The following CCDC85C variants were observed in gnomAD, a reference collection of about 807,000 sequenced individuals.
CCDC85C encodes coiled-coil domain-containing protein 85C.
Under a neutral mutation model 38.3 loss-of-function variants are expected in CCDC85C, and 18 were observed. The ratio of observed to expected loss-of-function variants is 0.47; its 90% CI spans 0.33 to 0.70. The LOEUF is 0.70. CCDC85C is among the 30% of genes least tolerant of loss of function. The pLI is 0.03. For synonymous variants in CCDC85C, 264 were observed against 293.8 expected (o/e 0.90, Z 1.04); for missense variants, 566 against 621.2 (o/e 0.91, Z 0.94).
chr14:99,511,851 C>G lies in CCDC85C; in HGVS notation c.*3395G>C, dbSNP rs1225172629. The G allele has an allele frequency of 6.6e-6, 1 of 152,518 alleles. No individual in the cohort carries two copies. The highest frequency in any genetic ancestry group is 1.9e-4 in the East Asian group (1 of 5,192). 9.4% of individuals were successfully genotyped at this position (152,518 alleles called of 1,614,324 possible). A position where few individuals can be genotyped will look rare whatever the true frequency, so the allele number is the denominator to read the frequency against. ...ATTTGAAACCCTTTCCACTTCTGGC[C>G]TGTGATGAGACAGAGGCAGCTGGAG... is the stretch of plus-strand genomic sequence containing the variant. On this transcript the variant is annotated 3_prime_UTR_variant, in exon 6 of 6. Coordinates refer to ENST00000380243, the MANE Select transcript of CCDC85C (RefSeq NM_001144995.2).
chr14:99,529,618 G>A (rs1051966661), intron 2 of CCDC85C, among the ~76,000 whole-genome samples: 1 of 152,210 alleles, frequency 6.6e-6, no homozygotes, highest in African/African-American at 2.4e-5. Context: ...TGGCCAGGCT[G>A]GTCTTGAACT....
chr14:99,510,241 T>A lies in CCDC85C; in HGVS notation c.*5005A>T. On this transcript the variant is annotated 3_prime_UTR_variant, in exon 6 of 6. Transcript: ENST00000380243. ...GCCACTGACCTCCCCAAAGTCCAGA[T>A]TCCCCCTCCGGCCCACCCGGCCCCT... 6.3e-7 allele frequency: 1 copy of A among 1,588,812 alleles called. No individual in the cohort carries two copies. The highest frequency in any genetic ancestry group is 8.5e-7 in the Non-Finnish European group (1 of 1,171,930).
At chr14:99,559,063 C>A (rs1898064843) in intron 1 of CCDC85C, among the ~76,000 whole-genome samples, 1 of 152,208 alleles carries the variant, frequency 6.6e-6, no homozygotes. Flanking sequence ...CATGATTGTA[C>A]ATTTCCTGAG....
chr14:99,567,544 GC>G (rs1374521366), intron 1 of CCDC85C, among the ~76,000 whole-genome samples: 1 of 152,218 alleles, frequency 6.6e-6, no homozygotes, highest in Admixed American at 6.5e-5. Context: ...AGGGCAGGAG[GC>G]CGGACACAGG....
In CCDC85C at chr14:99,506,307, C is replaced by T. The variant is rs1388041005; in HGVS notation, c.*8939G>A. Reference sequence around the variant, plus strand: ...AGTACATTTCAGGAAGAAAAAGCCTCAGCATGCAAACAGAAAAATAGGGTT... The same window carrying T: ...AGTACATTTCAGGAAGAAAAAGCCTTAGCATGCAAACAGAAAAATAGGGTT... On this transcript the variant is annotated 3_prime_UTR_variant, in exon 6 of 6. Coordinates refer to ENST00000380243, the MANE Select transcript of CCDC85C (RefSeq NM_001144995.2). 6.6e-6 allele frequency: 1 copy of T among 152,266 alleles called. No individual in the cohort carries two copies. 9.4% of individuals were successfully genotyped at this position (152,266 alleles called of 1,614,324 possible).
rs1321183170 is a variant in CCDC85C at position 99,516,164 on chromosome 14, G to GC, written c.1170+23dup. On this transcript the variant is annotated intron_variant, in intron 5 of 5. Transcript: ENST00000380243. The surrounding 1 kb of genome is among the most constrained non-coding windows in gnomAD (Gnocchi z 5.5). ...GTCGCACTCCCAGTGCCAAGCCTCT[G>GC]CCCCCCACCCCTGGAAGCCTCACGT... is the stretch of plus-strand genomic sequence containing the variant. The GC allele has an allele frequency of 5.9e-6, 9 of 1,538,394 alleles. No individual in the cohort carries two copies. The Admixed American group carries it at 1.6e-4, about 27-fold the overall frequency.
rs900435415 is a variant in CCDC85C, at chr14:99,516,065, C to A, written c.1170+123G>T. ...AGGCCTCCCCCCAGCTATCCAAGGT[C>A]ACCCAGCCTTCGCTGAGCATTCGAG... On this transcript the variant is annotated intron_variant, in intron 5 of 5. Coordinates refer to ENST00000380243, the MANE Select transcript of CCDC85C (RefSeq NM_001144995.2). The surrounding 1 kb of genome is among the most constrained non-coding windows in gnomAD (Gnocchi z 5.5). 1.3e-6 allele frequency: 1 copy of A among 784,316 alleles called. No homozygotes were observed. Among genetic ancestry groups the A allele is most frequent in the East Asian group, 2.7e-5 (1 of 37,370 alleles). The allele number at this position is 784,316 out of a possible 1,614,324, so 48.6% of individuals were successfully genotyped here.
At chr14:99,530,103 G>T (rs1897464044) in intron 2 of CCDC85C, among the ~76,000 whole-genome samples, 1 of 152,234 alleles carries the variant, frequency 6.6e-6, no homozygotes, top group East Asian at 1.9e-4. Flanking sequence ...GTCAGCCCTG[G>T]TGACTCTCCC....
In CCDC85C at chr14:99,516,151, G is replaced by A. The variant is rs1330047396; in HGVS notation, c.1170+37C>T. ...CTGGGTGGCCCTGGTCGCACTCCCA[G>A]TGCCAAGCCTCTGCCCCCCACCCCT... is the stretch of plus-strand genomic sequence containing the variant. On this transcript the variant is annotated intron_variant, in intron 5 of 5. Transcript: ENST00000380243. The surrounding 1 kb of genome is among the most constrained non-coding windows in gnomAD (Gnocchi z 5.5). 1.3e-6 allele frequency: 2 copies of A among 1,508,744 alleles called. No individual in the cohort carries two copies. The highest frequency in any genetic ancestry group is 2.8e-5 in the African/African-American group (2 of 72,214). The allele number at this position is 1,508,744 out of a possible 1,614,324, so 93.5% of individuals were successfully genotyped here.
At chr14:99,599,726 C>CA (rs1443817274) in intron 1 of CCDC85C, among the ~76,000 whole-genome samples, 27 of 152,090 alleles carry the variant, frequency 1.8e-4, no homozygotes, top group Admixed American at 1.4e-3. Context: ...CCAGTCTCTA[C>CA]AAAAAATTCA....
intron 1 of CCDC85C, among the ~76,000 whole-genome samples, chr14:99,552,252 C>T (rs1897925579): frequency 6.6e-6 from 1 of 152,224 alleles, no homozygotes; most frequent in African/African-American, 2.4e-5. Context: ...CTGGGCCACA[C>T]TGCTAGGGGT....
intron 1 of CCDC85C, among the ~76,000 whole-genome samples, chr14:99,575,748 G>C (rs974927997): frequency 6.6e-6 from 1 of 152,210 alleles, no homozygotes; most frequent in East Asian, 1.9e-4. Context: ...TGAGCCACCA[G>C]GGCCATCACC....
chr14:99,525,187 A>G (rs34376250), intron 2 of CCDC85C, among the ~76,000 whole-genome samples: 133,429 of 152,134 alleles, frequency 0.88, 60,514 homozygotes, highest in East Asian at 1. Flanking sequence ...AACACTGCCC[A>G]ACTCAGGGCC....
At chr14:99,517,066 G>T (rs1307436858) in intron 4 of CCDC85C, 22 bp downstream of exon 4, 1 of 1,547,094 alleles carries the variant, frequency 6.5e-7, no homozygotes, top group Non-Finnish European at 8.7e-7. Flanking sequence ...GGACTTCTGA[G>T]GGAGCGGGTA....
intron 1 of CCDC85C, among the ~76,000 whole-genome samples, chr14:99,579,052 G>A (rs1231005726): frequency 6.6e-6 from 1 of 152,216 alleles, no homozygotes; most frequent in African/African-American, 2.4e-5. Flanking sequence ...TACTGCAGGT[G>A]AGGAAACTGA....
At chr14:99,526,512 C>G (rs563978354) in intron 2 of CCDC85C, among the ~76,000 whole-genome samples, 1 of 152,310 alleles carries the variant, frequency 6.6e-6, no homozygotes, top group Admixed American at 6.5e-5. Context: ...CCAGGGGCTA[C>G]GGAGGCGAGA....
rs372019142 is a variant in CCDC85C at position 99,587,574 on chromosome 14, G to A, written c.793+15593C>T. On this transcript the variant is annotated intron_variant, in intron 1 of 5. Transcript: ENST00000380243. ...CAGCCCTGTCCCTCACAGCCCCTCC[G>A]CAAGGTCAGTCACTCACCCGCTTCT... is the stretch of plus-strand genomic sequence containing the variant. Among the ~76,000 whole-genome samples the A allele has an allele frequency of 1.1e-4, 16 of 152,258 alleles. No individual in the cohort carries two copies. In the East Asian group the frequency reaches 1.9e-3, roughly 18 times the overall value.
Position 99,503,073 on chromosome 14 carries a change from G to A in CCDC85C, c.*12173C>T. On this transcript the variant is annotated 3_prime_UTR_variant, in exon 6 of 6. Coordinates refer to ENST00000380243, the MANE Select transcript of CCDC85C (RefSeq NM_001144995.2). ...CTGTTCCCATTTCTAAGCGAGCACA[G>A]GGAACACCGGAAGCAGGGGGTGTTC... The A allele has an allele frequency of 7.0e-7, 1 of 1,420,674 alleles. No homozygotes were observed. The highest frequency in any genetic ancestry group is 9.9e-7 in the Non-Finnish European group (1 of 1,005,872). 88.0% of individuals were successfully genotyped at this position (1,420,674 alleles called of 1,614,324 possible). A position where few individuals can be genotyped will look rare whatever the true frequency, so the allele number is the denominator to read the frequency against.
chr14:99,537,006 G>A (rs1897615460), intron 1 of CCDC85C, among the ~76,000 whole-genome samples: 1 of 152,180 alleles, frequency 6.6e-6, no homozygotes, highest in Non-Finnish European at 1.5e-5. Context: ...CAGAACACAG[G>A]CCGGGGGACC....
Sources: allele counts gnomAD v4.1 joint callset (sites outside exome capture counted in the v4.1 genomes callset), GRCh38; gene constraint gnomAD v4.1.1; non-coding constraint Gnocchi (gnomAD v3.1); transcripts MANE v1.5; gene names NCBI Gene and HGNC (gene_info 2026-07-23, HGNC 2026-07-21).